ARHGAP10: variants seen among roughly 807,000 people sequenced by gnomAD.
ARHGAP10 encodes the protein Rho GTPase activating protein 10.
ARHGAP10 carries 87 observed loss-of-function variants against 108.6 expected under a neutral mutation model. The observed-to-expected ratio is 0.80, with a 90% CI of 0.67 to 0.96. ARHGAP10 has a LOEUF of 0.96. Ranked by LOEUF, ARHGAP10 falls within the 40% of genes least tolerant of loss-of-function variation. The pLI is 0.00. For missense variants in ARHGAP10, 939 were observed against 954.5 expected (o/e 0.98, Z 0.21); for synonymous variants, 347 against 341.1 (o/e 1.02, Z -0.19).
chr4:148,031,024 A>C (rs1728126919), intron 19 of ARHGAP10, among the ~76,000 whole-genome samples: 1 of 152,018 alleles, frequency 6.6e-6, no homozygotes, highest in African/African-American at 2.4e-5. Context: ...ATACCACTGC[A>C]CTCCAGCCTG....
chr4:147,967,981 C>G (rs978361758), intron 18 of ARHGAP10, among the ~76,000 whole-genome samples: 1 of 152,292 alleles, frequency 6.6e-6, no homozygotes, highest in South Asian at 2.1e-4. Context: ...CAGTCTGGAA[C>G]ACGAAAAGAA....
chr4:147,899,328 CGTGTGT>C (rs376331684), intron 10 of ARHGAP10, among the ~76,000 whole-genome samples: 1 of 150,222 alleles, frequency 6.7e-6, no homozygotes. Flanking sequence ...TGTGTGCATG[CGTGTGT>C]GTGTGTGTGT....
chr4:147,906,375 A>G (rs1736493967), intron 10 of ARHGAP10, among the ~76,000 whole-genome samples: 1 of 152,212 alleles, frequency 6.6e-6, no homozygotes, highest in African/African-American at 2.4e-5. Flanking sequence ...ATTGAAAGTT[A>G]TTGTTCAACA....
chr4:147,989,586 TTTCTCC>T (rs1267281488), intron 18 of ARHGAP10, among the ~76,000 whole-genome samples: 13 of 152,202 alleles, frequency 8.5e-5, no homozygotes, highest in African/African-American at 3.1e-4. Context: ...TTCAGCGATA[TTTCTCC>T]CATTTGCTTT....
At chr4:147,810,829 A>G (rs1579072228) in intron 1 of ARHGAP10, among the ~76,000 whole-genome samples, 1 of 152,216 alleles carries the variant, frequency 6.6e-6, no homozygotes, top group Admixed American at 6.5e-5. Flanking sequence ...TCCTAAAGCC[A>G]TCATGACAGG....
At position 148,072,388 on chromosome 4, in the gene ARHGAP10, G is replaced by A; in HGVS notation, c.*307G>A. ...AGAATGAGAGGGAGGGCAGCCTTCTGCCACCTGTGTCGCCTCCACTGGCAG... is the reference window on the plus strand; with the variant it reads ...AGAATGAGAGGGAGGGCAGCCTTCTACCACCTGTGTCGCCTCCACTGGCAG... On this transcript the variant is annotated 3_prime_UTR_variant, in exon 23 of 23. Coordinates refer to ENST00000336498, the MANE Select transcript of ARHGAP10 (RefSeq NM_024605.4). The A allele has an allele frequency of 3.2e-6, 1 of 314,988 alleles. No homozygotes were observed. The allele number at this position is 314,988 out of a possible 1,614,324, so 19.5% of individuals were successfully genotyped here.
At chr4:147,868,115 A>G (rs1395993075) in intron 7 of ARHGAP10, among the ~76,000 whole-genome samples, 3 of 152,166 alleles carry the variant, frequency 2.0e-5, no homozygotes, top group African/African-American at 4.8e-5. Flanking sequence ...GTTATAAAAT[A>G]TGTGGTATGA....
At chr4:147,998,959 G>A (rs1312369846) in intron 18 of ARHGAP10, among the ~76,000 whole-genome samples, 4 of 152,306 alleles carry the variant, frequency 2.6e-5, no homozygotes, top group Non-Finnish European at 2.9e-5. Flanking sequence ...GGGAAACGAG[G>A]TGGTATCTAA....
At chr4:147,806,173 A>G (rs1299418305) in intron 1 of ARHGAP10, among the ~76,000 whole-genome samples, 1 of 152,052 alleles carries the variant, frequency 6.6e-6, no homozygotes, top group African/African-American at 2.4e-5. Context: ...CTCCCCACCC[A>G]TCTTACCACC....
chr4:147,838,626 C>T (rs144095878), intron 3 of ARHGAP10, among the ~76,000 whole-genome samples: 25 of 152,248 alleles, frequency 1.6e-4, no homozygotes, highest in African/African-American at 4.3e-4. Flanking sequence ...CTCAACCTCT[C>T]GGCCTCAACT....
chr4:147,770,094 C>T (rs993418132), intron 1 of ARHGAP10, among the ~76,000 whole-genome samples: 7 of 152,180 alleles, frequency 4.6e-5, no homozygotes, highest in South Asian at 4.1e-4. Flanking sequence ...CATTCCTGTC[C>T]GTCCTTGCCA....
At chr4:147,940,654 T>A (rs2126962689) in intron 14 of ARHGAP10, among the ~76,000 whole-genome samples, 1 of 152,356 alleles carries the variant, frequency 6.6e-6, no homozygotes, top group South Asian at 2.1e-4. Flanking sequence ...TTAATTTATT[T>A]GATACCTTAC....
At chr4:147,999,754 C>T (rs1226297018) in intron 18 of ARHGAP10, among the ~76,000 whole-genome samples, 2 of 152,156 alleles carry the variant, frequency 1.3e-5, no homozygotes, top group Admixed American at 1.3e-4. Context: ...ACGAGGCTTG[C>T]CACCATTTTG....
intron 1 of ARHGAP10, among the ~76,000 whole-genome samples, chr4:147,806,653 A>G (rs1425024064): frequency 1.3e-5 from 2 of 152,166 alleles, no homozygotes; most frequent in Non-Finnish European, 2.9e-5. Flanking sequence ...TTTACATTCT[A>G]TACAGATTCC....
At chr4:147,900,169 G>T (rs1736180561) in intron 10 of ARHGAP10, among the ~76,000 whole-genome samples, 1 of 152,168 alleles carries the variant, frequency 6.6e-6, no homozygotes, top group African/African-American at 2.4e-5. Context: ...AATAGATACA[G>T]AGTGAAATGT....
rs144388998 is a variant in ARHGAP10 at position 147,860,528 on chromosome 4, C to T, written c.486+2874C>T. ...TGGCTATTTTGGCAGTTCTCTGAGG[C>T]CTTGCTGCTATACCTCTATGTTTAT... On this transcript the variant is annotated intron_variant, in intron 5 of 22. Transcript: ENST00000336498. Among the ~76,000 whole-genome samples, 239 of 152,324 alleles carry T rather than the reference C, an allele frequency of 1.6e-3. 1 individual carries two copies. The highest frequency in any genetic ancestry group is 5.2e-3 in the African/African-American group (218 of 41,576).
chr4:147,932,930 G>C (rs1737762083), intron 13 of ARHGAP10, among the ~76,000 whole-genome samples: 1 of 152,202 alleles, frequency 6.6e-6, no homozygotes, highest in South Asian at 2.1e-4. Flanking sequence ...TGAACATTCA[G>C]TCTGAGTGGA....
At chr4:147,967,386 T>A (rs1016328020) in intron 18 of ARHGAP10, among the ~76,000 whole-genome samples, 6 of 152,190 alleles carry the variant, frequency 3.9e-5, no homozygotes, top group African/African-American at 1.4e-4. Flanking sequence ...CTGTTGTGAA[T>A]GACAAGTAAA....
intron 13 of ARHGAP10, among the ~76,000 whole-genome samples, chr4:147,935,770 C>G (rs562303356): frequency 1.3e-5 from 2 of 152,130 alleles, no homozygotes; most frequent in African/African-American, 4.8e-5. Flanking sequence ...AATAGAAAAT[C>G]GAACAAGACT....
Sources: gnomAD v4.1 joint callset for allele counts (sites outside exome capture counted in the v4.1 genomes callset) on GRCh38, gnomAD v4.1.1 for gene constraint, MANE v1.5 for transcripts, NCBI Gene and HGNC (gene_info 2026-07-23, HGNC 2026-07-21) for gene names.